CEACAM1: variants seen among roughly 807,000 people sequenced by gnomAD.
The protein encoded by CEACAM1 is cell adhesion molecule CEACAM1.
A neutral mutation model predicts 49.1 loss-of-function variants in CEACAM1; 31 were observed. The ratio of observed to expected loss-of-function variants is 0.63; its 90% CI spans 0.47 to 0.85. CEACAM1 has a LOEUF of 0.85. Among genes scored for constraint, CEACAM1 ranks in the 40% least tolerant of loss-of-function variants. The pLI is 0.00. For synonymous variants in CEACAM1, 244 were observed against 247.8 expected (o/e 0.98, Z 0.14); for missense variants, 570 against 645.3 (o/e 0.88, Z 1.26).
chr19:42,520,181 C>T (rs976303306), intron 4 of CEACAM1, among the ~76,000 whole-genome samples: 1 of 152,200 alleles, frequency 6.6e-6, no homozygotes, highest in Non-Finnish European at 1.5e-5. Flanking sequence ...TGCCCATTCT[C>T]TCCAATGCAG....
At chr19:42,519,359 G>C (rs1199311636) in intron 4 of CEACAM1, 124 bp from the exon 5 acceptor site, 9 of 908,266 alleles carry the variant, frequency 9.9e-6, no homozygotes, top group Admixed American at 2.3e-5. Context: ...GCTGTGCAAA[G>C]GTCACCAACC....
intron 5 of CEACAM1, among the ~76,000 whole-genome samples, chr19:42,513,082 T>G (rs1445106121): frequency 6.6e-6 from 1 of 152,234 alleles, no homozygotes; most frequent in African/African-American, 2.4e-5. Context: ...CTATTTTGTA[T>G]GTGATTAGAA....
In CEACAM1 at chr19:42,521,505, G is replaced by C; in HGVS notation, c.720C>G (p.Pro240=). 1 of 1,613,906 alleles carries C rather than the reference G, an allele frequency of 6.2e-7. No individual in the cohort carries two copies. Among genetic ancestry groups the C allele is most frequent in the Non-Finnish European group, 8.5e-7 (1 of 1,179,884 alleles). ...AATAGGTGTCTGAAGGGGAAATGGTGGGGGTGTCCGGGCCATCTGGAGCAA... is the reference window on the plus strand; with the variant it reads ...AATAGGTGTCTGAAGGGGAAATGGTCGGGGTGTCCGGGCCATCTGGAGCAA... The part of the protein sequence containing the change: ...TLNVTYGPDT[P]TISPSDTYYR... The change falls in exon 4 of 9, where the codon CCC becomes CCG. Residue 240 remains proline, a synonymous_variant. Coordinates refer to ENST00000161559, the MANE Select transcript of CEACAM1 (RefSeq NM_001712.5).
In CEACAM1 at chr19:42,527,157, G is replaced by C; in HGVS notation, c.308C>G (p.Pro103Arg). The change falls in exon 2 of 9, where the codon CCC becomes CGC. Residue 103 changes from proline to arginine, a missense_variant. By Grantham distance (103) the Pro-to-Arg change is moderately radical. Coordinates refer to ENST00000161559, the MANE Select transcript of CEACAM1 (RefSeq NM_001712.5). ...PANSGRETIY[P>R]NASLLIQNVT... is the part of the protein sequence containing the mutation. ...GTTCTGGATCAGCAGGGATGCATTG[G>C]GGTATATTGTCTCTCGACCGCTGTT... 1 of 1,614,160 alleles carries C rather than the reference G, an allele frequency of 6.2e-7. No individual in the cohort carries two copies. Among genetic ancestry groups the C allele is most frequent in the South Asian group, 1.1e-5 (1 of 91,086 alleles).
At chr19:42,521,574 C>A in intron 3 of CEACAM1, 53 bp from the exon 4 acceptor site, 2 of 1,586,262 alleles carry the variant, frequency 1.3e-6, no homozygotes, top group South Asian at 1.2e-5. Flanking sequence ...GAAGGGGAAG[C>A]TGCTGGTCTG....
At chr19:42,510,059 T>C (rs1271047568) in intron 8 of CEACAM1, among the ~76,000 whole-genome samples, 1 of 152,198 alleles carries the variant, frequency 6.6e-6, no homozygotes, top group Non-Finnish European at 1.5e-5. Flanking sequence ...TCAGTATGTA[T>C]GTTTGCTCTA....
Position 42,512,447 on chromosome 19 carries a change from G to A in CEACAM1, c.1279C>T (p.Pro427Ser), listed in dbSNP as rs768263188. The change falls in exon 6 of 9, where the codon CCT (proline) becomes TCT (serine). Residue 427 changes from proline to serine, a missense_variant. Coordinates refer to ENST00000161559, the MANE Select transcript of CEACAM1 (RefSeq NM_001712.5). ...NALPQENGLS[P>S]GAIAGIVIGV... ...ATCACAATGCCAGCAATGGCCCCAG[G>A]TGAGAGGCCATTTTCTTGTGGTAGA... 8.1e-6 allele frequency: 13 copies of A among 1,613,674 alleles called. No individual in the cohort carries two copies. Among genetic ancestry groups the A allele is most frequent in the Non-Finnish European group, 1.1e-5 (13 of 1,179,662 alleles).
At chr19:42,527,552 A>T in intron 1 of CEACAM1, 152 bp from the exon 2 acceptor site, 1 of 946,804 alleles carries the variant, frequency 1.1e-6, no homozygotes, top group Non-Finnish European at 1.5e-6. Context: ...TGTGTGTCCT[A>T]CTGGGTCAAG....
At chr19:42,525,364 A>T (rs985742177) in intron 2 of CEACAM1, among the ~76,000 whole-genome samples, 1 of 151,752 alleles carries the variant, frequency 6.6e-6, no homozygotes, top group Non-Finnish European at 1.5e-5. Flanking sequence ...AGCTGGGATT[A>T]GAGGCACGCA....
intron 8 of CEACAM1, among the ~76,000 whole-genome samples, chr19:42,509,650 G>A (rs954203185): frequency 2.0e-5 from 3 of 150,950 alleles, no homozygotes. Flanking sequence ...TTTTTGCGAC[G>A]GAGTCTCGCT....
chr19:42,519,315 T>C, intron 4 of CEACAM1, 80 bp from the exon 5 acceptor site: 1 of 1,444,266 alleles, frequency 6.9e-7, no homozygotes, highest in Non-Finnish European at 9.5e-7. Flanking sequence ...CTCCTTTCCC[T>C]GAGATTTTAG....
rs752144585 is a variant in CEACAM1, at chr19:42,521,273, CTA to C, written c.950_951del (p.Ile317SerfsTer3). 6.2e-7 allele frequency: 1 copy of C among 1,614,086 alleles called. No individual in the cohort carries two copies. ...TGCTCCAGGAATTACTTACCAGTGA[CTA>C]TGATCGTCTTGACTGTGGTCCTGTT... ...GCNRTTVKTI[I>X]VTELSPVVAK... On this transcript the variant is annotated frameshift_variant, in exon 4 of 9. Transcript: ENST00000161559. LOFTEE classifies it high-confidence loss of function.
intron 5 of CEACAM1, among the ~76,000 whole-genome samples, chr19:42,517,880 A>G: frequency 6.6e-6 from 1 of 152,228 alleles, no homozygotes; most frequent in East Asian, 1.9e-4. Flanking sequence ...TTGTATACCC[A>G]TGTTTGTAAT....
chr19:42,512,647 T>G (rs2147772715), intron 5 of CEACAM1, among the ~76,000 whole-genome samples, 168 bp from the exon 6 acceptor site: 1 of 152,272 alleles, frequency 6.6e-6, no homozygotes. Context: ...CCTTGCAATT[T>G]TTTTTTTTCA....
At chr19:42,518,496 C>CTTTT in intron 5 of CEACAM1, 1 of 136,076 alleles carries the variant, frequency 7.3e-6, no homozygotes, top group Non-Finnish European at 1.5e-5. Context: ...AGCCTGAGCT[C>CTTTT]TTTTTTTTTT....
At chr19:42,518,780 G>A (rs1011884683) in intron 5 of CEACAM1, 168 bp downstream of exon 5, 15 of 770,790 alleles carry the variant, frequency 1.9e-5, no homozygotes, top group Middle Eastern at 3.8e-4. Context: ...GATTACAGGC[G>A]TGAGCCACTG....
At chr19:42,526,977 C>A (rs1467969557) in intron 2 of CEACAM1, 64 bp downstream of exon 2, 4 of 1,568,108 alleles carry the variant, frequency 2.6e-6, no homozygotes, top group African/African-American at 2.7e-5. Context: ...CCAGGCCTGA[C>A]AATCCCATGT....
chr19:42,512,426 C>T lies in CEACAM1; in HGVS notation c.1300G>A (p.Val434Met), dbSNP rs2041481753. 6.2e-7 allele frequency: 1 copy of T among 1,614,164 alleles called. No homozygotes were observed. The highest frequency in any genetic ancestry group is 1.1e-5 in the South Asian group (1 of 91,078). ...GCAACCAGGGCCACTACTCCAATCA[C>T]AATGCCAGCAATGGCCCCAGGTGAG... ...GLSPGAIAGIVIGVVALVALI... is the reference protein window; with the variant it reads ...GLSPGAIAGIMIGVVALVALI... Residue 434 changes from valine to methionine, a missense_variant, in exon 6 of 9, where the codon GTG (valine) becomes ATG (methionine). By Grantham distance (21) the Val-to-Met change is conservative (BLOSUM62 1). Coordinates refer to ENST00000161559, the MANE Select transcript of CEACAM1 (RefSeq NM_001712.5).
At chr19:42,512,536 G>T (rs1399219756) in intron 5 of CEACAM1, 57 bp from the exon 6 acceptor site, 60 of 1,518,268 alleles carry the variant, frequency 4.0e-5, no homozygotes, top group Non-Finnish European at 8.2e-6. Context: ...TACAATGGGG[G>T]CTGGGAAACA....
Sources: gnomAD v4.1 joint callset for allele counts (sites outside exome capture counted in the v4.1 genomes callset) on GRCh38, gnomAD v4.1.1 for gene constraint, MANE v1.5 for transcripts, NCBI Gene and HGNC (gene_info 2026-07-23, HGNC 2026-07-21) for gene names.